Variants in GPATCH2L observed in about 807,000 individuals in gnomAD.
GPATCH2L encodes the protein G-patch domain containing 2 like, also known as G patch domain-containing protein 2-like.
In GPATCH2L, 31 loss-of-function variants were observed where a neutral mutation model predicts 57.4. The ratio of observed to expected loss-of-function variants is 0.54; its 90% CI spans 0.41 to 0.73. The LOEUF (loss-of-function observed/expected upper bound fraction) is 0.73, where lower values mean the gene tolerates loss of function less well. Among genes scored for constraint, GPATCH2L ranks in the 30% least tolerant of loss-of-function variants. The pLI is 0.00. For missense variants in GPATCH2L, 481 were observed against 599.9 expected (o/e 0.80, Z 2.07); for synonymous variants, 199 against 210.7 (o/e 0.94, Z 0.48).
chr14:76,180,880 TC>T (rs1290012467), intron 8 of GPATCH2L, 31 bp downstream of exon 8: 1 of 1,298,706 alleles, frequency 7.7e-7, no homozygotes. Context: ...GTTATTTGCT[TC>T]TGGACAATAC....
At chr14:76,195,811 C>G in intron 8 of GPATCH2L, 67 bp from the exon 9 acceptor site, 1 of 1,173,768 alleles carries the variant, frequency 8.5e-7, no homozygotes, top group Admixed American at 1.7e-5. Flanking sequence ...TTAATCTGGG[C>G]TACATGTAAT....
chr14:76,166,685 A>C lies in GPATCH2L; in HGVS notation c.685A>C (p.Ser229Arg). 6.2e-7 allele frequency: 1 copy of C among 1,610,946 alleles called. No homozygotes were observed. The highest frequency in any genetic ancestry group is 8.5e-7 in the Non-Finnish European group (1 of 1,177,104). The change falls in exon 3 of 10, where the codon AGC becomes CGC. Residue 229 changes from serine to arginine, a missense_variant. Around this residue, in one of 3 missense-constraint regions of GPATCH2L, gnomAD observed 25 missense variants for 56.9 expected, o/e 0.44. Transcript: ENST00000261530. ...SECETSSVCS[S>R]SDTGLFTNDE... ...CAGTGAAACCAGCAGTGTGTGTAGC[A>C]GCAGTGACACTGGGCTCTTTACCAA...
chr14:76,176,546 A>T (rs1277970049), intron 5 of GPATCH2L, 77 bp from the exon 6 acceptor site: 7 of 1,025,102 alleles, frequency 6.8e-6, no homozygotes, highest in Non-Finnish European at 1.1e-5. Flanking sequence ...TGGCACAGTT[A>T]TGGGAAAGAT....
At chr14:76,167,017 T>A (rs1227487915) in intron 3 of GPATCH2L, among the ~76,000 whole-genome samples, 3 of 152,060 alleles carry the variant, frequency 2.0e-5, no homozygotes, top group Non-Finnish European at 4.4e-5. Flanking sequence ...GTCAGAGTGT[T>A]GAGCCTGGGA....
intron 5 of GPATCH2L, 163 bp downstream of exon 5, chr14:76,173,788 A>T (rs1043954527): frequency 1.8e-6 from 1 of 552,510 alleles, no homozygotes; most frequent in Non-Finnish European, 3.3e-6. Flanking sequence ...GTAGAATGTG[A>T]ATGGATATAC....
At chr14:76,165,546 G>A (rs2591093) in intron 2 of GPATCH2L, among the ~76,000 whole-genome samples, 149,083 of 151,524 alleles carry the variant, frequency 0.98, 73,391 homozygotes, top group East Asian at 1. Flanking sequence ...ATGTATACCT[G>A]TGTAACAAAC....
chr14:76,177,888 T>G (rs2039401769), intron 6 of GPATCH2L, 100 bp from the exon 7 acceptor site: 2 of 1,572,628 alleles, frequency 1.3e-6, no homozygotes, highest in African/African-American at 2.7e-5. Context: ...CTCCCTCTCT[T>G]TAGTTTCTGG....
chr14:76,201,642 A>G (rs757631715), intron 9 of GPATCH2L, 49 bp from the exon 10 acceptor site: 2 of 1,421,080 alleles, frequency 1.4e-6, no homozygotes, highest in African/African-American at 1.5e-5. Flanking sequence ...GTCTTATTCT[A>G]ATTTATCTCC....
intron 2 of GPATCH2L, 72 bp from the exon 3 acceptor site, chr14:76,166,591 C>G: frequency 9.9e-7 from 1 of 1,010,546 alleles, no homozygotes; most frequent in South Asian, 1.4e-5. Context: ...AGCTTGAAAA[C>G]CAAAATAAGT....
intron 4 of GPATCH2L, among the ~76,000 whole-genome samples, chr14:76,172,636 T>C (rs1184026376): frequency 6.6e-6 from 1 of 152,232 alleles, no homozygotes; most frequent in Non-Finnish European, 1.5e-5. Context: ...TTTCCTGGGA[T>C]GACAGGGTCA....
chr14:76,180,224 A>G (rs1035125866), intron 7 of GPATCH2L, among the ~76,000 whole-genome samples: 1 of 152,060 alleles, frequency 6.6e-6, no homozygotes, highest in Non-Finnish European at 1.5e-5. Flanking sequence ...TTAACAGATA[A>G]GGATAGTAAA....
chr14:76,205,913 A>C lies in GPATCH2L; in HGVS notation c.*4062A>C, dbSNP rs2040370433. The C allele has an allele frequency of 6.6e-6, 1 of 152,376 alleles. No individual in the cohort carries two copies. Among genetic ancestry groups the C allele is most frequent in the South Asian group, 2.1e-4 (1 of 4,828 alleles). 9.4% of individuals were successfully genotyped at this position (152,376 alleles called of 1,614,324 possible). On this transcript the variant is annotated 3_prime_UTR_variant, in exon 10 of 10. Transcript: ENST00000261530. ...CCCCTGGGGAGAAGACTATGTAAAA[A>C]TCTCAGCGTTAGAAGCTGTGTTCAG...
At chr14:76,160,730 A>G (rs1391244707) in intron 2 of GPATCH2L, among the ~76,000 whole-genome samples, 2 of 152,244 alleles carry the variant, frequency 1.3e-5, no homozygotes, top group South Asian at 2.1e-4. Context: ...TGGCTCAGAC[A>G]TTCTTAGATA....
intron 8 of GPATCH2L, among the ~76,000 whole-genome samples, chr14:76,185,748 T>C (rs774587394): frequency 3.3e-5 from 5 of 152,210 alleles, no homozygotes; most frequent in Admixed American, 6.5e-5. Flanking sequence ...TGTTTTTTCT[T>C]TGAGAAATCT....
intron 6 of GPATCH2L, 131 bp downstream of exon 6, chr14:76,176,821 C>A: frequency 1.5e-6 from 1 of 646,804 alleles, no homozygotes; most frequent in East Asian, 2.7e-5. Flanking sequence ...TACGTTGTAA[C>A]AGTTAAATAT....
At chr14:76,199,798 C>T (rs541140603) in intron 9 of GPATCH2L, among the ~76,000 whole-genome samples, 25 of 152,260 alleles carry the variant, frequency 1.6e-4, no homozygotes, top group Admixed American at 2.6e-4. Context: ...CCATATGATC[C>T]AGCAGTTCTG....
chr14:76,189,714 T>C lies in GPATCH2L; in HGVS notation c.1194-6164T>C, dbSNP rs565602652. ...ATTTCTTTCTCTTGTCTGATTACTCTAGCTAGGACTTCCAGTCCTAAATTG... is the reference window on the plus strand; with the variant it reads ...ATTTCTTTCTCTTGTCTGATTACTCCAGCTAGGACTTCCAGTCCTAAATTG... On this transcript the variant is annotated intron_variant, in intron 8 of 9. Transcript: ENST00000261530. Among the ~76,000 whole-genome samples, 3 of 152,234 alleles carry C rather than the reference T, an allele frequency of 2.0e-5. No individual in the cohort carries two copies. The South Asian group carries it at 6.2e-4, about 32-fold the overall frequency.
intron 1 of GPATCH2L, among the ~76,000 whole-genome samples, chr14:76,226,155 CAT>C (rs1457025413): frequency 6.6e-6 from 1 of 152,178 alleles, no homozygotes; most frequent in Non-Finnish European, 1.5e-5. Context: ...TGCATCAAAA[CAT>C]ATGTACATAA....
At chr14:76,164,725 A>G (rs2543390) in intron 2 of GPATCH2L, among the ~76,000 whole-genome samples, 152,166 of 152,370 alleles carry the variant, frequency 1, 75,981 homozygotes, top group Middle Eastern at 1. Flanking sequence ...CAAACAGTTC[A>G]TCTTCAGAAC....
Sources: gnomAD v4.1 joint callset for allele counts (sites outside exome capture counted in the v4.1 genomes callset) on GRCh38, gnomAD v4.1.1 for gene constraint, gnomAD v4.1.1 regional missense constraint, MANE v1.5 for transcripts, NCBI Gene and HGNC (gene_info 2026-07-23, HGNC 2026-07-21) for gene names.